The following THADA variants were observed in gnomAD, a reference collection of about 807,000 sequenced individuals.
THADA encodes THADA armadillo repeat containing, also known as tRNA (32-2'-O)-methyltransferase regulator THADA.
In THADA, 213 loss-of-function variants were observed where a neutral mutation model predicts 219.8. That is an observed-to-expected ratio of 0.97 (90% CI 0.87 to 1.09). The LOEUF (loss-of-function observed/expected upper bound fraction) is 1.09, where lower values mean the gene tolerates loss of function less well. Ranked by LOEUF, THADA falls within the 50% of genes least tolerant of loss-of-function variation. The pLI, the probability that THADA is intolerant of heterozygous loss-of-function variation, is 0.00. For missense variants in THADA, 2,956 were observed against 2,311.3 expected (o/e 1.28, Z -5.72); for synonymous variants, 1,018 against 828.9 (o/e 1.23, Z -3.92).
chr2:43,554,990 A>G lies in THADA; in HGVS notation c.2674+1355T>C, dbSNP rs1467088054. ...CATTTCCTTTGAGTGTCATGTTGGT[A>G]CTCAAAAAGCTTTGGATTTTGGACC... is the stretch of plus-strand genomic sequence containing the variant. On this transcript the variant is annotated intron_variant, in intron 17 of 37. Coordinates refer to ENST00000405975, the MANE Select transcript of THADA (RefSeq NM_022065.5). 2.0e-5 allele frequency among the ~76,000 whole-genome samples: 3 copies of G among 152,306 alleles called. No homozygotes were observed. In the East Asian group the frequency reaches 5.8e-4, roughly 29 times the overall value.
At chr2:43,571,100 T>C (rs539642063) in intron 13 of THADA, among the ~76,000 whole-genome samples, 22 of 152,022 alleles carry the variant, frequency 1.4e-4, no homozygotes, top group African/African-American at 5.1e-4. Flanking sequence ...TAAAAAAAAA[T>C]TAAATATTAG....
chr2:43,255,599 C>T (rs1041754881), intron 36 of THADA, among the ~76,000 whole-genome samples: 1 of 152,206 alleles, frequency 6.6e-6, no homozygotes, highest in Non-Finnish European at 1.5e-5. Context: ...TAAACCTCTC[C>T]CGCCTTTTGG....
chr2:43,339,941 T>A (rs1398963223), intron 30 of THADA, among the ~76,000 whole-genome samples: 2 of 151,634 alleles, frequency 1.3e-5, no homozygotes, highest in South Asian at 2.1e-4. Flanking sequence ...AACTAAAAAA[T>A]AAATAAATAA....
At chr2:43,570,048 G>A (rs1177419496) in intron 14 of THADA, among the ~76,000 whole-genome samples, 4 of 152,204 alleles carry the variant, frequency 2.6e-5, no homozygotes, top group Admixed American at 6.5e-5. Context: ...AACAGGCCCA[G>A]CAACAGCAGT....
rs1186035613 is a variant in THADA, at chr2:43,292,168, G to T, written c.4873C>A (p.His1625Asn). 6.2e-7 allele frequency: 1 copy of T among 1,612,296 alleles called. No individual in the cohort carries two copies. The highest frequency in any genetic ancestry group is 8.5e-7 in the Non-Finnish European group (1 of 1,179,258). ...TCCTTTGGGGTCAGATGGACACAGT[G>T]CTCCGTCTGGGGAAGCCACTCACCA... is the stretch of plus-strand genomic sequence containing the variant. ...DPGEWLPQTEHCVHLTPKEFL... is the reference protein window; with the variant it reads ...DPGEWLPQTENCVHLTPKEFL... The change falls in exon 33 of 38, where the codon CAC becomes AAC. Residue 1625 changes from histidine (H) to asparagine (N), a missense_variant. Coordinates refer to ENST00000405975, the MANE Select transcript of THADA (RefSeq NM_022065.5).
At chr2:43,521,531 G>C (rs1256773420) in intron 22 of THADA, among the ~76,000 whole-genome samples, 2 of 152,184 alleles carry the variant, frequency 1.3e-5, no homozygotes, top group African/African-American at 4.8e-5. Flanking sequence ...ACTCCAGCCT[G>C]GGCGACAGAG....
At chr2:43,547,105 G>A (rs1400347727) in intron 20 of THADA, among the ~76,000 whole-genome samples, 1 of 151,924 alleles carries the variant, frequency 6.6e-6, no homozygotes, top group East Asian at 1.9e-4. Flanking sequence ...TGTCTGTAAA[G>A]TATTTTATTT....
At chr2:43,420,988 C>A (rs1677643193) in intron 28 of THADA, among the ~76,000 whole-genome samples, 1 of 152,164 alleles carries the variant, frequency 6.6e-6, no homozygotes, top group South Asian at 2.1e-4. Flanking sequence ...CAATAGGAAA[C>A]AACCTTCCAA....
intron 26 of THADA, among the ~76,000 whole-genome samples, chr2:43,461,003 CA>C: frequency 6.6e-6 from 1 of 152,270 alleles, no homozygotes; most frequent in Middle Eastern, 3.4e-3. Flanking sequence ...GGCACAAGGA[CA>C]CTGTTGAGGC....
Position 43,260,517 on chromosome 2 carries a change from G to A in THADA, c.5296+19248C>T, listed in dbSNP as rs188507022. Among the ~76,000 whole-genome samples, 9 of 152,270 alleles carry A rather than the reference G, an allele frequency of 5.9e-5. No individual in the cohort carries two copies. The East Asian group carries it at 1.5e-3, about 26-fold the overall frequency. On this transcript the variant is annotated intron_variant, in intron 36 of 37. Coordinates refer to ENST00000405975, the MANE Select transcript of THADA (RefSeq NM_022065.5). ...CCTACTTGGGAGGCTGAGGTGGGAGGATCACTTGAGCCCAGGAGGTACAAT... is the reference window on the plus strand; with the variant it reads ...CCTACTTGGGAGGCTGAGGTGGGAGAATCACTTGAGCCCAGGAGGTACAAT...
At chr2:43,333,862 C>T (rs574849420) in intron 30 of THADA, among the ~76,000 whole-genome samples, 3 of 152,282 alleles carry the variant, frequency 2.0e-5, no homozygotes, top group African/African-American at 7.2e-5. Flanking sequence ...GGGACCAGCC[C>T]ATGAGGGATT....
intron 31 of THADA, among the ~76,000 whole-genome samples, chr2:43,306,203 G>A (rs996721545): frequency 1.3e-5 from 2 of 152,028 alleles, no homozygotes; most frequent in African/African-American, 2.4e-5. Context: ...GTAGAGATGG[G>A]GTTTTGCCAT....
At chr2:43,490,012 T>C (rs1426245566) in intron 25 of THADA, among the ~76,000 whole-genome samples, 1 of 152,192 alleles carries the variant, frequency 6.6e-6, no homozygotes, top group Non-Finnish European at 1.5e-5. Flanking sequence ...TTTCCATTTA[T>C]TTAGGCCTAT....
At chr2:43,376,660 T>C (rs1443448441) in intron 29 of THADA, among the ~76,000 whole-genome samples, 1 of 152,220 alleles carries the variant, frequency 6.6e-6, no homozygotes, top group Non-Finnish European at 1.5e-5. Flanking sequence ...CAGTAATGAC[T>C]GACATTCAGA....
rs577064443 is a variant in THADA, at chr2:43,237,002, G to A, written c.5297-4120C>T. ...CAGGAGAATGGCGTGAACCCGGGAGGCGGAGCTTGCAGTGAGCCGAGATCG... is the reference window on the plus strand; with the variant it reads ...CAGGAGAATGGCGTGAACCCGGGAGACGGAGCTTGCAGTGAGCCGAGATCG... On this transcript the variant is annotated intron_variant, in intron 36 of 37. Coordinates refer to ENST00000405975, the MANE Select transcript of THADA (RefSeq NM_022065.5). Among the ~76,000 whole-genome samples, 9 of 150,890 alleles carry A rather than the reference G, an allele frequency of 6.0e-5. No homozygotes were observed. The South Asian group carries it at 1.9e-3, about 32-fold the overall frequency.
chr2:43,465,055 GT>G (rs1684076850), intron 26 of THADA, among the ~76,000 whole-genome samples: 1 of 151,996 alleles, frequency 6.6e-6, no homozygotes, highest in African/African-American at 2.4e-5. Flanking sequence ...ATTTCCTCTT[GT>G]TTTCCCTGCT....
At chr2:43,496,585 C>A (rs1688304747) in intron 25 of THADA, among the ~76,000 whole-genome samples, 1 of 151,556 alleles carries the variant, frequency 6.6e-6, no homozygotes, top group Admixed American at 6.6e-5. Context: ...TCCAGATCAA[C>A]ATAATTAATC....
chr2:43,344,352 A>C (rs774613567), intron 29 of THADA, 115 bp from the exon 30 acceptor site: 1 of 682,284 alleles, frequency 1.5e-6, no homozygotes, highest in Non-Finnish European at 2.4e-6. Context: ...AGACACCTGC[A>C]GAATGTAGCT....
intron 24 of THADA, among the ~76,000 whole-genome samples, chr2:43,501,307 C>CAAAAAAAAAAAAAAAAAAAAA (rs60448094): frequency 6.6e-5 from 1 of 15,042 alleles, no homozygotes; most frequent in Non-Finnish European, 1.3e-4. Context: ...ACTCCAACTC[C>CAAAAAAAAAAAAAAAAAAAAA]AAAAAAAAAA....
Sources: allele counts gnomAD v4.1 joint callset (sites outside exome capture counted in the v4.1 genomes callset), GRCh38; gene constraint gnomAD v4.1.1; transcripts MANE v1.5; gene names NCBI Gene and HGNC (gene_info 2026-07-23, HGNC 2026-07-21).